MAGI1: variants seen among roughly 807,000 people sequenced by gnomAD.
MAGI1 encodes membrane associated guanylate kinase, WW and PDZ domain containing 1, also known as membrane-associated guanylate kinase, WW and PDZ domain-containing protein 1.
MAGI1 carries 58 observed loss-of-function variants against 139.9 expected under a neutral mutation model. The observed-to-expected ratio is 0.41, with a 90% CI of 0.34 to 0.52. The LOEUF (loss-of-function observed/expected upper bound fraction) is 0.52, where lower values mean the gene tolerates loss of function less well. Ranked by LOEUF, MAGI1 falls within the 20% of genes least tolerant of loss-of-function variation. The probability of loss-of-function intolerance (pLI) is 0.12; values close to 1 mark genes in which losing one functional copy is unlikely to be tolerated. For missense variants in MAGI1, 1,874 were observed against 1,901.6 expected (o/e 0.99, Z 0.27); for synonymous variants, 812 against 737.9 (o/e 1.10, Z -1.63).
chr3:65,816,288 A>C (rs1450846273), intron 1 of MAGI1, among the ~76,000 whole-genome samples: 1 of 152,234 alleles, frequency 6.6e-6, no homozygotes, highest in Non-Finnish European at 1.5e-5. Context: ...TATCCAAAAA[A>C]AAAACACTTT....
intron 1 of MAGI1, among the ~76,000 whole-genome samples, chr3:65,737,127 C>G (rs2034823325): frequency 6.6e-6 from 1 of 152,150 alleles, no homozygotes; most frequent in South Asian, 2.1e-4. Context: ...GCCTCAGCCT[C>G]CTGAGTAGCT....
At chr3:65,733,051 T>G (rs2034347117) in intron 1 of MAGI1, among the ~76,000 whole-genome samples, 1 of 151,510 alleles carries the variant, frequency 6.6e-6, no homozygotes, top group African/African-American at 2.4e-5. Flanking sequence ...GTTGTGGGTT[T>G]TTTGTTTTTG....
chr3:66,014,223 A>AT (rs1560111678), intron 1 of MAGI1, among the ~76,000 whole-genome samples: 3 of 152,338 alleles, frequency 2.0e-5, no homozygotes, highest in African/African-American at 7.2e-5. Flanking sequence ...TGTAAACCAG[A>AT]TATTTCCCAA....
At chr3:65,843,423 A>G (rs1419632813) in intron 1 of MAGI1, among the ~76,000 whole-genome samples, 1 of 152,212 alleles carries the variant, frequency 6.6e-6, no homozygotes, top group Non-Finnish European at 1.5e-5. Context: ...TCCCAAGTTA[A>G]GCTGTGTTCA....
chr3:65,957,442 G>T (rs1014376938), intron 1 of MAGI1, among the ~76,000 whole-genome samples: 3 of 149,492 alleles, frequency 2.0e-5, no homozygotes, highest in African/African-American at 7.4e-5. Context: ...GATCGCTTGA[G>T]CCTGGGAGGT....
intron 1 of MAGI1, among the ~76,000 whole-genome samples, chr3:65,944,829 C>G (rs1320144577): frequency 1.3e-5 from 2 of 152,054 alleles, no homozygotes; most frequent in South Asian, 2.1e-4. Flanking sequence ...GGTGGATAAC[C>G]CAACAATAGG....
chr3:65,600,682 G>A (rs2082440742), intron 2 of MAGI1, among the ~76,000 whole-genome samples: 1 of 152,202 alleles, frequency 6.6e-6, no homozygotes, highest in South Asian at 2.1e-4. Flanking sequence ...AGTGCCTTGA[G>A]AGCACAGTTT....
At chr3:65,575,837 A>T (rs536044832) in intron 2 of MAGI1, among the ~76,000 whole-genome samples, 1 of 152,332 alleles carries the variant, frequency 6.6e-6, no homozygotes, top group African/African-American at 2.4e-5. Context: ...TTACATTCAC[A>T]TATAATTCTA....
At chr3:65,934,872 C>T (rs2062975062) in intron 1 of MAGI1, among the ~76,000 whole-genome samples, 1 of 151,014 alleles carries the variant, frequency 6.6e-6, no homozygotes, top group South Asian at 2.1e-4. Context: ...CCAATTTAAT[C>T]TGCATTGCAC....
chr3:65,378,386 A>G (rs934592861), intron 17 of MAGI1, among the ~76,000 whole-genome samples: 3 of 152,196 alleles, frequency 2.0e-5, no homozygotes, highest in African/African-American at 7.2e-5. Context: ...CAGTAAAAAT[A>G]TTATTTAAAA....
At chr3:65,750,409 A>G (rs2036050137) in intron 1 of MAGI1, among the ~76,000 whole-genome samples, 1 of 152,222 alleles carries the variant, frequency 6.6e-6, no homozygotes, top group Admixed American at 6.5e-5. Flanking sequence ...GAAAAAATCT[A>G]CCATTACAAT....
chr3:65,792,190 AGCAGTG>A (rs1414949634), intron 1 of MAGI1, among the ~76,000 whole-genome samples: 1 of 152,154 alleles, frequency 6.6e-6, no homozygotes, highest in African/African-American at 2.4e-5. Flanking sequence ...GCAAGCCAGA[AGCAGTG>A]GCTCATGCCT....
chr3:65,511,149 A>G (rs2077566523), intron 2 of MAGI1, among the ~76,000 whole-genome samples: 1 of 150,184 alleles, frequency 6.7e-6, no homozygotes, highest in African/African-American at 2.4e-5. Context: ...GAGCTCCTGA[A>G]GGAAGCGCTA....
At chr3:65,787,342 C>G (rs971390289) in intron 1 of MAGI1, among the ~76,000 whole-genome samples, 2 of 151,916 alleles carry the variant, frequency 1.3e-5, no homozygotes, top group Middle Eastern at 6.8e-3. Flanking sequence ...TAAAAGAAAC[C>G]GGATCACCAA....
At chr3:65,639,723 C>A (rs1208579709) in intron 1 of MAGI1, among the ~76,000 whole-genome samples, 2 of 152,122 alleles carry the variant, frequency 1.3e-5, no homozygotes, top group Non-Finnish European at 2.9e-5. Flanking sequence ...TACTTTCCAG[C>A]CAGGTGCGGT....
chr3:65,855,941 A>C (rs979752605), intron 1 of MAGI1, among the ~76,000 whole-genome samples: 2 of 151,934 alleles, frequency 1.3e-5, no homozygotes, highest in African/African-American at 4.8e-5. Flanking sequence ...TGGCCTGAGG[A>C]CATGGTGTTA....
chr3:65,920,106 G>A (rs1319453833), intron 1 of MAGI1, among the ~76,000 whole-genome samples: 4 of 152,118 alleles, frequency 2.6e-5, no homozygotes, highest in Admixed American at 6.6e-5. Context: ...TTATTTTAGG[G>A]AGTTTTGCAC....
intron 2 of MAGI1, among the ~76,000 whole-genome samples, chr3:65,504,597 A>C (rs1395488411): frequency 6.6e-6 from 1 of 152,170 alleles, no homozygotes; most frequent in East Asian, 1.9e-4. Flanking sequence ...GGTGCAGCTG[A>C]ATTTCCACAG....
At chr3:65,883,343 A>T (rs748453543) in intron 1 of MAGI1, among the ~76,000 whole-genome samples, 1 of 152,242 alleles carries the variant, frequency 6.6e-6, no homozygotes, top group Non-Finnish European at 1.5e-5. Context: ...TGTACTAGCA[A>T]ATTCCAGTCT....
Sources: gnomAD v4.1 joint callset for allele counts (sites outside exome capture counted in the v4.1 genomes callset) on GRCh38, gnomAD v4.1.1 for gene constraint, MANE v1.5 for transcripts, NCBI Gene and HGNC (gene_info 2026-07-23, HGNC 2026-07-21) for gene names.